ASH1L: variants seen among roughly 807,000 people sequenced by gnomAD.
ASH1L encodes ASH1 like histone lysine methyltransferase, also known as histone-lysine N-methyltransferase ASH1L.
In ASH1L, 23 loss-of-function variants were observed where a neutral mutation model predicts 269.0. The ratio of observed to expected loss-of-function variants is 0.09; its 90% CI spans 0.06 to 0.12. The LOEUF is 0.12. Ranked by LOEUF, ASH1L falls within the 10% of genes least tolerant of loss-of-function variation. The pLI is 1.00. For missense variants in ASH1L, 2,912 were observed against 3,567.8 expected (o/e 0.82, Z 4.68); for synonymous variants, 1,187 against 1,253.5 (o/e 0.95, Z 1.12).
chr1:155,535,188 T>TAA (rs762665819), intron 1 of ASH1L, among the ~76,000 whole-genome samples: 6 of 137,596 alleles, frequency 4.4e-5, no homozygotes, highest in East Asian at 2.1e-4. Context: ...AAACTCCATT[T>TAA]AAAAAAAAAA....
chr1:155,421,315 C>G lies in ASH1L; in HGVS notation c.5829-5392G>C, dbSNP rs554905662. Among the ~76,000 whole-genome samples the G allele has an allele frequency of 5.5e-4, 61 of 111,300 alleles. 3 individuals are homozygous for G. The South Asian group carries it at 0.018, about 33-fold the overall frequency. The allele number at this position is 111,300 out of a possible 152,430, so 73.0% of individuals were successfully genotyped here. ...GATCTAACACAATCTCAAGTACCAA[C>G]AGTTTTTTTTTTTTTTTTTTTTTTT... On this transcript the variant is annotated intron_variant, in intron 5 of 27. Coordinates refer to ENST00000392403, the MANE Select transcript of ASH1L (RefSeq NM_018489.3).
intron 1 of ASH1L, among the ~76,000 whole-genome samples, chr1:155,559,828 T>C (rs1244808432): frequency 1.3e-5 from 2 of 152,130 alleles, no homozygotes; most frequent in Non-Finnish European, 2.9e-5. Context: ...GTGTTTGTTA[T>C]AACTAAGCTA....
intron 6 of ASH1L, among the ~76,000 whole-genome samples, chr1:155,407,745 A>T (rs529963954): frequency 6.6e-6 from 1 of 152,274 alleles, no homozygotes; most frequent in African/African-American, 2.4e-5. Flanking sequence ...AAAAGACAGG[A>T]ATTATATATA....
At chr1:155,508,267 T>C (rs116702152) in intron 2 of ASH1L, among the ~76,000 whole-genome samples, 2,358 of 152,272 alleles carry the variant, frequency 0.015, 54 homozygotes, top group African/African-American at 0.054. Context: ...AAGCCAAACA[T>C]AAATTTTTAG....
chr1:155,505,113 G>C (rs1026514804), intron 2 of ASH1L, among the ~76,000 whole-genome samples: 1 of 151,940 alleles, frequency 6.6e-6, no homozygotes, highest in African/African-American at 2.4e-5. Flanking sequence ...ACTGCGCCCG[G>C]CCTCATTATT....
chr1:155,341,412 A>G (rs562309290), intron 25 of ASH1L, among the ~76,000 whole-genome samples: 10 of 152,122 alleles, frequency 6.6e-5, no homozygotes, highest in South Asian at 2.1e-4. Context: ...TCCTGACCTC[A>G]TGATCCGCCC....
At chr1:155,507,234 C>T (rs191836795) in intron 2 of ASH1L, among the ~76,000 whole-genome samples, 11 of 150,718 alleles carry the variant, frequency 7.3e-5, no homozygotes, top group Admixed American at 7.3e-4. Flanking sequence ...GTGCCGAGAT[C>T]GCGCCATGGC....
intron 1 of ASH1L, among the ~76,000 whole-genome samples, chr1:155,547,059 TCTC>T (rs1300722219): frequency 6.7e-6 from 1 of 148,254 alleles, no homozygotes. Context: ...TTCAAGCAAT[TCTC>T]CTGCCTCAGC....
chr1:155,412,878 G>A (rs1659915350), intron 6 of ASH1L, among the ~76,000 whole-genome samples: 1 of 151,368 alleles, frequency 6.6e-6, no homozygotes. Context: ...TTTGGTTACA[G>A]AAGTCTTCTG....
intron 12 of ASH1L, among the ~76,000 whole-genome samples, chr1:155,361,998 TTATA>T (rs1429437580): frequency 3.3e-5 from 5 of 152,076 alleles, no homozygotes; most frequent in Non-Finnish European, 7.4e-5. Context: ...TCTTGTTCTA[TTATA>T]TGTAAGGTAA....
At chr1:155,374,195 G>A (rs1656230432) in intron 10 of ASH1L, among the ~76,000 whole-genome samples, 1 of 151,970 alleles carries the variant, frequency 6.6e-6, no homozygotes, top group African/African-American at 2.4e-5. Flanking sequence ...CAGGCGTGGT[G>A]GCAACTGTAA....
At chr1:155,431,267 T>G (rs946223512) in intron 5 of ASH1L, among the ~76,000 whole-genome samples, 4 of 151,166 alleles carry the variant, frequency 2.6e-5, no homozygotes, top group Non-Finnish European at 5.9e-5. Flanking sequence ...AAGATACATA[T>G]TTTTAGAGAC....
intron 1 of ASH1L, among the ~76,000 whole-genome samples, chr1:155,531,906 C>T (rs1175271418): frequency 1.3e-5 from 2 of 152,128 alleles, no homozygotes; most frequent in Non-Finnish European, 2.9e-5. Context: ...CAGCAGCTGC[C>T]AGAATGCTGT....
intron 3 of ASH1L, among the ~76,000 whole-genome samples, chr1:155,463,703 G>T (rs945886481): frequency 1.3e-5 from 2 of 152,244 alleles, no homozygotes; most frequent in East Asian, 3.9e-4. Flanking sequence ...GCTGAAGTGG[G>T]AAGATCGCTT....
intron 5 of ASH1L, among the ~76,000 whole-genome samples, chr1:155,437,050 T>C (rs1369353432): frequency 1.3e-5 from 2 of 152,300 alleles, no homozygotes; most frequent in Middle Eastern, 3.4e-3. Context: ...ATGTCTCTCT[T>C]TATGCTACTA....
At chr1:155,412,550 T>C (rs912741869) in intron 6 of ASH1L, among the ~76,000 whole-genome samples, 2 of 152,184 alleles carry the variant, frequency 1.3e-5, no homozygotes, top group Non-Finnish European at 2.9e-5. Flanking sequence ...CCCCAGTATA[T>C]GTCTTCATCT....
upstream of ASH1L, chr1:155,563,151 C>A (rs1317958392): frequency 6.6e-6 from 3 of 457,246 alleles, no homozygotes; most frequent in Non-Finnish European, 1.3e-5. Flanking sequence ...GCGAGCGGAT[C>A]GAGGACTGCC....
chr1:155,365,380 T>C (rs1464219479), intron 12 of ASH1L, among the ~76,000 whole-genome samples: 27 of 148,462 alleles, frequency 1.8e-4, no homozygotes, highest in African/African-American at 6.5e-4. Flanking sequence ...TGATTTTTTT[T>C]TTTTTTTTTT....
At chr1:155,473,158 C>T (rs1000120789) in intron 3 of ASH1L, among the ~76,000 whole-genome samples, 5 of 152,154 alleles carry the variant, frequency 3.3e-5, no homozygotes, top group East Asian at 1.9e-4. Context: ...AGCAGCTGAA[C>T]GAAGGAGTAC....
Sources: gnomAD v4.1 joint callset for allele counts (sites outside exome capture counted in the v4.1 genomes callset) on GRCh38, gnomAD v4.1.1 for gene constraint, MANE v1.5 for transcripts, NCBI Gene and HGNC (gene_info 2026-07-23, HGNC 2026-07-21) for gene names.